The following DGKH variants were observed in gnomAD, a reference collection of about 807,000 sequenced individuals.
DGKH encodes diacylglycerol kinase eta.
A neutral mutation model predicts 159.3 loss-of-function variants in DGKH; 90 were observed. That is an observed-to-expected ratio of 0.57 (90% CI 0.48 to 0.67). The LOEUF (loss-of-function observed/expected upper bound fraction) is 0.67, where lower values mean the gene tolerates loss of function less well. Ranked by LOEUF, DGKH falls within the 30% of genes least tolerant of loss-of-function variation. The pLI, the probability that DGKH is intolerant of heterozygous loss-of-function variation, is 0.00. For synonymous variants in DGKH, 536 were observed against 553.8 expected, an observed-to-expected ratio of 0.97 and a Z score of 0.45; for missense variants, 1,181 against 1,506.1, an observed-to-expected ratio of 0.78 and a Z score of 3.57.
upstream of DGKH, among the ~76,000 whole-genome samples, chr13:42,045,321 G>GA (rs897207224): frequency 6.6e-6 from 1 of 151,662 alleles, no homozygotes; most frequent in African/African-American, 2.4e-5. Flanking sequence ...TCTAAAAAAA[G>GA]AAAAAAAATT....
intron 29 of DGKH, among the ~76,000 whole-genome samples, chr13:42,223,461 T>C (rs1258746907): frequency 6.6e-6 from 1 of 152,162 alleles, no homozygotes; most frequent in African/African-American, 2.4e-5. Context: ...TTTTTATTTA[T>C]ACAAAAATAT....
At chr13:42,150,103 C>T (rs1484163073) in intron 3 of DGKH, among the ~76,000 whole-genome samples, 1 of 152,084 alleles carries the variant, frequency 6.6e-6, no homozygotes, top group African/African-American at 2.4e-5. Flanking sequence ...AGTAATAAGA[C>T]ATAGCTATGT....
Position 42,159,296 on chromosome 13 carries a change from C to A in DGKH, c.653C>A (p.Ala218Glu). Reference protein sequence around the residue: ...VCKFKAHKRCAVRATNNCKWT... With the variant: ...VCKFKAHKRCEVRATNNCKWT... The stretch of plus-strand genomic sequence containing the variant: ...AAATTCAAGGCTCACAAAAGATGTG[C>A]AGTGAGAGCAACAAATAACTGTAAA... The change falls in exon 6 of 30, where the codon GCA (alanine) becomes GAA (glutamate). Residue 218 changes from alanine (A) to glutamate (E), a missense_variant. By Grantham distance (107) the Ala-to-Glu change is moderately radical. This residue lies in a region of DGKH where 369 missense variants were observed against 519.4 expected (regional missense o/e 0.71). Coordinates refer to ENST00000337343, the MANE Select transcript of DGKH (RefSeq NM_178009.5). The A allele has an allele frequency of 9.5e-7, 1 of 1,055,710 alleles. No homozygotes were observed. The highest frequency in any genetic ancestry group is 1.3e-6 in the Non-Finnish European group (1 of 757,156). The allele number at this position is 1,055,710 out of a possible 1,614,324, so 65.4% of individuals were successfully genotyped here. A position where few individuals can be genotyped will look rare whatever the true frequency, so the allele number is the denominator to read the frequency against.
At chr13:42,218,323 CA>C (rs1373323748) in intron 26 of DGKH, among the ~76,000 whole-genome samples, 1 of 152,074 alleles carries the variant, frequency 6.6e-6, no homozygotes, top group Non-Finnish European at 1.5e-5. Flanking sequence ...GATGATAAGC[CA>C]TTGAGCTTTT....
intron 1 of DGKH, among the ~76,000 whole-genome samples, chr13:42,085,411 T>A (rs1954284282): frequency 6.6e-6 from 1 of 152,204 alleles, no homozygotes; most frequent in Non-Finnish European, 1.5e-5. Flanking sequence ...CACTCTGAGA[T>A]ACATTGCTGT....
chr13:42,184,862 C>T (rs777144596), intron 13 of DGKH, among the ~76,000 whole-genome samples: 1 of 134,168 alleles, frequency 7.5e-6, no homozygotes, highest in Non-Finnish European at 1.6e-5. Context: ...GCAAGACCCC[C>T]ATCTCTAAAA....
chr13:42,122,435 T>C (rs896257474), intron 1 of DGKH, among the ~76,000 whole-genome samples: 12 of 152,194 alleles, frequency 7.9e-5, no homozygotes, highest in South Asian at 2.1e-4. Context: ...GAGTATCACA[T>C]GGCAAGGGGG....
intron 1 of DGKH, among the ~76,000 whole-genome samples, chr13:42,057,728 A>C (rs1372954023): frequency 6.6e-6 from 1 of 152,200 alleles, no homozygotes; most frequent in Non-Finnish European, 1.5e-5. Context: ...GCCCTCATGG[A>C]ACTCACATTT....
intron 1 of DGKH, among the ~76,000 whole-genome samples, chr13:42,055,500 C>G (rs1025069651): frequency 6.6e-6 from 1 of 152,086 alleles, no homozygotes; most frequent in South Asian, 2.1e-4. Flanking sequence ...TATAACTTAA[C>G]GATGCCGTAT....
At chr13:42,162,611 C>T (rs12428755) in intron 7 of DGKH, among the ~76,000 whole-genome samples, 18,212 of 152,144 alleles carry the variant, frequency 0.12, 1,590 homozygotes, top group East Asian at 0.42. Context: ...CAAGACCAGC[C>T]TGGCTAACAT....
intron 1 of DGKH, among the ~76,000 whole-genome samples, chr13:42,059,040 C>T (rs1432519144): frequency 6.6e-6 from 1 of 152,178 alleles, no homozygotes; most frequent in Non-Finnish European, 1.5e-5. Flanking sequence ...AGGATTTCTC[C>T]ATTTCCAAAT....
Position 42,189,380 on chromosome 13 carries a change from T to C in DGKH, c.1912+71T>C, listed in dbSNP as rs965567910. The C allele has an allele frequency of 1.0e-5, 16 of 1,589,354 alleles. No individual in the cohort carries two copies. In the African/African-American group the frequency reaches 1.6e-4, roughly 16 times the overall value. On this transcript the variant is annotated intron_variant, in intron 15 of 29. Transcript: ENST00000337343. The stretch of plus-strand genomic sequence containing the variant: ...TACTGCAAGCATAACGGAGTTTCCA[T>C]AGTGGTCAGATTGGACACACTTTTT...
At chr13:42,199,443 T>C in intron 18 of DGKH, 123 bp from the exon 19 acceptor site, 1 of 639,606 alleles carries the variant, frequency 1.6e-6, no homozygotes, top group East Asian at 3.0e-5. Flanking sequence ...TGATTAGTGC[T>C]AAGTTTTACA....
downstream of DGKH, among the ~76,000 whole-genome samples, chr13:42,247,696 G>A (rs938905854): frequency 3.3e-5 from 5 of 152,230 alleles, no homozygotes. Context: ...GACAAAATGT[G>A]TAGGTGGAAG....
At chr13:42,049,265 G>C (rs561209077) in intron 1 of DGKH, among the ~76,000 whole-genome samples, 1 of 152,240 alleles carries the variant, frequency 6.6e-6, no homozygotes, top group African/African-American at 2.4e-5. Context: ...GAGGCTGCGA[G>C]CCTGGGCTCC....
At chr13:42,117,975 T>G (rs1362439484) in intron 1 of DGKH, among the ~76,000 whole-genome samples, 2 of 152,126 alleles carry the variant, frequency 1.3e-5, no homozygotes, top group East Asian at 3.9e-4. Flanking sequence ...CCCAGCACTT[T>G]GGGAGGCCGA....
intron 5 of DGKH, among the ~76,000 whole-genome samples, chr13:42,158,943 A>G (rs906361951): frequency 4.6e-5 from 7 of 152,014 alleles, no homozygotes; most frequent in African/African-American, 1.4e-4. Context: ...ACCAAATTTT[A>G]TTTGCTTCCC....
intron 18 of DGKH, 141 bp from the exon 19 acceptor site, chr13:42,199,425 A>C: frequency 1.8e-6 from 1 of 542,014 alleles, no homozygotes; most frequent in South Asian, 2.8e-5. Context: ...TGGCATAGGA[A>C]TAGGAAGTGA....
intron 1 of DGKH, chr13:42,070,212 C>T (rs1198874241): frequency 1.9e-5 from 20 of 1,046,644 alleles, no homozygotes; most frequent in Non-Finnish European, 3.0e-5. Flanking sequence ...AAATTTGTTC[C>T]AGGAAATTCA....
Sources: gnomAD v4.1 joint callset for allele counts (sites outside exome capture counted in the v4.1 genomes callset) on GRCh38, gnomAD v4.1.1 for gene constraint, gnomAD v4.1.1 regional missense constraint, MANE v1.5 for transcripts, NCBI Gene and HGNC (gene_info 2026-07-23, HGNC 2026-07-21) for gene names.